Variants in B3GALT1 observed in about 807,000 individuals in gnomAD.
B3GALT1 encodes beta-1,3-galactosyltransferase 1.
B3GALT1 carries 10 observed loss-of-function variants against 23.2 expected under a neutral mutation model. That is an observed-to-expected ratio of 0.43 (90% CI 0.27 to 0.73). B3GALT1 has a LOEUF of 0.73. Ranked by LOEUF, B3GALT1 falls within the 30% of genes least tolerant of loss-of-function variation. The pLI is 0.21. For missense variants in B3GALT1, 299 were observed against 405.4 expected, an observed-to-expected ratio of 0.74 and a Z score of 2.25; for synonymous variants, 156 against 141.5, an observed-to-expected ratio of 1.10 and a Z score of -0.73.
chr2:167,337,551 G>C (rs1254757897), intron 1 of B3GALT1, among the ~76,000 whole-genome samples: 1 of 151,976 alleles, frequency 6.6e-6, no homozygotes, highest in Non-Finnish European at 1.5e-5. Context: ...AAATAGATTT[G>C]TGTATTCATT....
intron 3 of B3GALT1, among the ~76,000 whole-genome samples, chr2:167,770,458 T>G (rs1259016787): frequency 3.3e-5 from 5 of 152,208 alleles, no homozygotes; most frequent in Admixed American, 1.3e-4. Flanking sequence ...GTTTTGTTCA[T>G]GTTTTAATTA....
chr2:167,453,460 G>A (rs939089887), intron 1 of B3GALT1, among the ~76,000 whole-genome samples: 1 of 152,096 alleles, frequency 6.6e-6, no homozygotes, highest in Admixed American at 6.5e-5. Flanking sequence ...GATATTAAAT[G>A]TATATATTCT....
At position 167,693,798 on chromosome 2, in the gene B3GALT1, C is replaced by A. The variant is rs1686751314; in HGVS notation, c.-352+46832C>A. On this transcript the variant is annotated intron_variant, in intron 3 of 4. Coordinates refer to ENST00000392690, the MANE Select transcript of B3GALT1 (RefSeq NM_020981.4). Reference sequence around the variant, plus strand: ...AACACTCCATGATTCTGAACCATCTCCAACCCTCTCAGATTTCTATTTCTT... The same window carrying A: ...AACACTCCATGATTCTGAACCATCTACAACCCTCTCAGATTTCTATTTCTT... Among the ~76,000 whole-genome samples, 3 of 152,088 alleles carry A rather than the reference C, an allele frequency of 2.0e-5. No homozygotes were observed. In the South Asian group the frequency reaches 6.2e-4, roughly 31 times the overall value.
At chr2:167,298,485 T>C (rs1459614318) in intron 1 of B3GALT1, among the ~76,000 whole-genome samples, 1 of 152,088 alleles carries the variant, frequency 6.6e-6, no homozygotes, top group Non-Finnish European at 1.5e-5. Flanking sequence ...TTGGGATACA[T>C]TTAGAGATGT....
chr2:167,636,972 G>A (rs1685566724), intron 2 of B3GALT1, among the ~76,000 whole-genome samples: 1 of 151,806 alleles, frequency 6.6e-6, no homozygotes, highest in African/African-American at 2.4e-5. Flanking sequence ...AAGTATCCCA[G>A]AACTTAAAGT....
At chr2:167,496,388 C>G (rs1215044374) in intron 2 of B3GALT1, among the ~76,000 whole-genome samples, 2 of 151,774 alleles carry the variant, frequency 1.3e-5, no homozygotes, top group African/African-American at 4.8e-5. Context: ...GAAAATCAGC[C>G]AACAGTAAAG....
intron 2 of B3GALT1, among the ~76,000 whole-genome samples, chr2:167,498,275 A>T (rs1043322688): frequency 1.3e-5 from 2 of 152,142 alleles, no homozygotes; most frequent in African/African-American, 4.8e-5. Context: ...GATTTTTTTC[A>T]TTCAAAAACC....
chr2:167,338,034 GA>G (rs2105245144), intron 1 of B3GALT1, among the ~76,000 whole-genome samples: 1 of 152,162 alleles, frequency 6.6e-6, no homozygotes, highest in East Asian at 1.9e-4. Context: ...CTGTGTGACT[GA>G]AAGAAACACT....
rs189543860 is a variant in B3GALT1 at position 167,796,775 on chromosome 2, A to C, written c.-351-21897A>C. On this transcript the variant is annotated intron_variant, in intron 3 of 4. Coordinates refer to ENST00000392690, the MANE Select transcript of B3GALT1 (RefSeq NM_020981.4). Reference sequence around the variant, plus strand: ...CAAAAAATAATAATAATAAAATGAAACACATGAAGGTTTTATAAAGAAATT... The same window carrying C: ...CAAAAAATAATAATAATAAAATGAACCACATGAAGGTTTTATAAAGAAATT... 4.9e-4 allele frequency among the ~76,000 whole-genome samples: 74 copies of C among 152,278 alleles called. No individual in the cohort carries two copies. In the East Asian group the frequency reaches 0.013, roughly 27 times the overall value.
At chr2:167,410,778 C>T (rs996031938) in intron 1 of B3GALT1, among the ~76,000 whole-genome samples, 22 of 151,970 alleles carry the variant, frequency 1.4e-4, no homozygotes, top group African/African-American at 5.3e-4. Flanking sequence ...GCTCCAAAAG[C>T]ACAGAACTAT....
In B3GALT1 at chr2:167,807,188, A is replaced by C. The variant is rs532514853; in HGVS notation, c.-351-11484A>C. Among the ~76,000 whole-genome samples the C allele has an allele frequency of 2.6e-3, 400 of 152,088 alleles. 7 individuals carry two copies. In the South Asian group the frequency reaches 0.033, roughly 12 times the overall value. ...CCCTTTATCATTTTTTATTGCATCT[A>C]TTTGATTCTTCTCTCTTTTCTTCTT... On this transcript the variant is annotated intron_variant, in intron 3 of 4. Coordinates refer to ENST00000392690, the MANE Select transcript of B3GALT1 (RefSeq NM_020981.4).
At chr2:167,775,969 C>T (rs1447112681) in intron 3 of B3GALT1, among the ~76,000 whole-genome samples, 4 of 150,362 alleles carry the variant, frequency 2.7e-5, no homozygotes, top group Admixed American at 6.7e-5. Context: ...CACCACAGTA[C>T]CCCAAACAAC....
intron 3 of B3GALT1, among the ~76,000 whole-genome samples, chr2:167,762,907 C>T (rs1410160507): frequency 1.3e-5 from 2 of 152,160 alleles, no homozygotes; most frequent in Non-Finnish European, 2.9e-5. Flanking sequence ...AAAATGCTTG[C>T]TTTAGAGCAC....
chr2:167,434,168 T>C (rs1276634673), intron 1 of B3GALT1, among the ~76,000 whole-genome samples: 1 of 152,184 alleles, frequency 6.6e-6, no homozygotes, highest in Non-Finnish European at 1.5e-5. Context: ...TATTGAAATT[T>C]AAGCAAAAAG....
In B3GALT1 at chr2:167,736,443, T is replaced by C. The variant is rs186113662; in HGVS notation, c.-351-82229T>C. ...AGAATGCCTTAGGGGTTCAAGGCAG[T>C]GGTGGATGGGGGAGAAGAGAGCAGT... On this transcript the variant is annotated intron_variant, in intron 3 of 4. Transcript: ENST00000392690. 6.3e-4 allele frequency among the ~76,000 whole-genome samples: 96 copies of C among 152,226 alleles called. 1 individual carries two copies. Among genetic ancestry groups the C allele is most frequent in the East Asian group, 4.8e-3 (25 of 5,174 alleles).
chr2:167,648,846 A>G (rs1011766394), intron 3 of B3GALT1, among the ~76,000 whole-genome samples: 5 of 151,818 alleles, frequency 3.3e-5, no homozygotes, highest in African/African-American at 1.2e-4. Flanking sequence ...TGTTCCCTGG[A>G]TTTCAGCTTG....
At chr2:167,867,064 C>CT in intron 4 of B3GALT1, among the ~76,000 whole-genome samples, 1 of 151,682 alleles carries the variant, frequency 6.6e-6, no homozygotes, top group East Asian at 1.9e-4. Context: ...GTAGCTGGGA[C>CT]TACAGGCACC....
At chr2:167,608,279 A>G (rs1340438262) in intron 2 of B3GALT1, among the ~76,000 whole-genome samples, 2 of 152,176 alleles carry the variant, frequency 1.3e-5, no homozygotes, top group Non-Finnish European at 2.9e-5. Context: ...GTAAATAGGG[A>G]ATCAGGAAGC....
intron 1 of B3GALT1, among the ~76,000 whole-genome samples, chr2:167,435,742 A>C (rs980843170): frequency 6.6e-6 from 1 of 152,160 alleles, no homozygotes; most frequent in Admixed American, 6.6e-5. Context: ...TTTTGAGTTT[A>C]GTTTCATTGT....
Sources: gnomAD v4.1 joint callset for allele counts (sites outside exome capture counted in the v4.1 genomes callset) on GRCh38, gnomAD v4.1.1 for gene constraint, MANE v1.5 for transcripts, NCBI Gene and HGNC (gene_info 2026-07-23, HGNC 2026-07-21) for gene names.